The following CLTC variants were observed in gnomAD, a reference collection of about 807,000 sequenced individuals.
CLTC encodes the protein clathrin heavy chain 1.
In CLTC, 16 loss-of-function variants were observed where a neutral mutation model predicts 195.8. That is an observed-to-expected ratio of 0.08 (90% CI 0.06 to 0.12). The LOEUF (loss-of-function observed/expected upper bound fraction) is 0.12. CLTC is among the 10% of genes least tolerant of loss of function. The pLI, the probability that CLTC is intolerant of heterozygous loss-of-function variation, is 1.00. For synonymous variants in CLTC, 667 were observed against 689.4 expected (o/e 0.97, Z 0.51); for missense variants, 796 against 2,027.0 (o/e 0.39, Z 11.66).
intron 1 of CLTC, among the ~76,000 whole-genome samples, chr17:59,633,255 C>T (rs1438548720): frequency 5.3e-5 from 8 of 152,146 alleles, no homozygotes; most frequent in Admixed American, 5.2e-4. Flanking sequence ...CTTTGGGAGG[C>T]CAAGGTGGGT....
intron 2 of CLTC, 112 bp downstream of exon 2, chr17:59,644,595 G>A: frequency 1.1e-6 from 1 of 873,144 alleles, no homozygotes; most frequent in Non-Finnish European, 1.7e-6. Flanking sequence ...TTGTCACCCA[G>A]GCTGGAGTGC....
In CLTC at chr17:59,683,515, A is replaced by G. The variant is rs755570870; in HGVS notation, c.4170A>G (p.Gln1390=). 11 of 1,613,982 alleles carry G rather than the reference A, an allele frequency of 6.8e-6. No individual in the cohort carries two copies. The highest frequency in any genetic ancestry group is 3.3e-5 in the Admixed American group (2 of 60,008). ...NHPTDAWKEG[Q]FKDIITKVAN... is the part of the protein sequence containing the mutation. ...CAACTGATGCCTGGAAAGAAGGGCAATTCAAAGATATCATTACCAAGGTGT... is the reference window on the plus strand; with the variant it reads ...CAACTGATGCCTGGAAAGAAGGGCAGTTCAAAGATATCATTACCAAGGTGT... The change falls in exon 26 of 32, where the codon CAA becomes CAG. Residue 1390 remains glutamine (Q), a synonymous_variant. Coordinates refer to ENST00000269122, the MANE Select transcript of CLTC (RefSeq NM_004859.4). This position sits in a 1 kb window ranked among gnomAD's most constrained non-coding sequence, Gnocchi z 6.1.
intron 31 of CLTC, among the ~76,000 whole-genome samples, chr17:59,693,118 G>T (rs2033345906): frequency 6.6e-6 from 1 of 152,146 alleles, no homozygotes; most frequent in African/African-American, 2.4e-5. Context: ...TATAATCCCA[G>T]CACTTTGGGA....
intron 14 of CLTC, among the ~76,000 whole-genome samples, chr17:59,669,158 GA>G (rs909100720): frequency 1.3e-3 from 187 of 147,316 alleles, no homozygotes; most frequent in Non-Finnish European, 2.1e-3. Context: ...TTTAAAAGAA[GA>G]AAAAAAAAAT....
chr17:59,626,954 G>A (rs2143443286), intron 1 of CLTC, among the ~76,000 whole-genome samples: 1 of 152,262 alleles, frequency 6.6e-6, no homozygotes, highest in East Asian at 1.9e-4. Flanking sequence ...CTGGAGTGCA[G>A]TGGCATGATC....
rs374306386 is a variant in CLTC at position 59,682,455 on chromosome 17, A to G, written c.3600+27A>G. On this transcript the variant is annotated intron_variant, in intron 22 of 31. Transcript: ENST00000269122. This position sits in a 1 kb window ranked among gnomAD's most constrained non-coding sequence, Gnocchi z 6.8. ...TGGGTTTCCTTTTCAGATTTAAGAA[A>G]AACTAGTTGGGCTACTTGATTAGCT... is the stretch of plus-strand genomic sequence containing the variant. 3.7e-6 allele frequency: 6 copies of G among 1,612,920 alleles called. No homozygotes were observed. Among genetic ancestry groups the G allele is most frequent in the South Asian group, 1.1e-5 (1 of 91,046 alleles).
chr17:59,693,627 A>G, intron 31 of CLTC, 101 bp from the exon 32 acceptor site: 1 of 1,341,606 alleles, frequency 7.5e-7, no homozygotes, highest in Non-Finnish European at 1.0e-6. Flanking sequence ...GGTTGAGATT[A>G]TGTTGCTAGA....
At position 59,626,227 on chromosome 17, in the gene CLTC, A is replaced by G. The variant is rs1259813849; in HGVS notation, c.42+6054A>G. ...GCAAAGGCTGTACACTTGTTATTCC[A>G]ACCATTGATGTTGTCTACTTGATTG... On this transcript the variant is annotated intron_variant, in intron 1 of 31. Coordinates refer to ENST00000269122, the MANE Select transcript of CLTC (RefSeq NM_004859.4). Among the ~76,000 whole-genome samples, 3 of 152,332 alleles carry G rather than the reference A, an allele frequency of 2.0e-5. 1 individual carries two copies. The East Asian group carries it at 5.8e-4, about 29-fold the overall frequency.
Position 59,682,504 on chromosome 17 carries a change from TGAA to T in CLTC, c.3600+80_3600+82del, listed in dbSNP as rs1333345846. 2 of 1,584,444 alleles carry T rather than the reference TGAA, an allele frequency of 1.3e-6. No individual in the cohort carries two copies. Among genetic ancestry groups the T allele is most frequent in the Non-Finnish European group, 1.7e-6 (2 of 1,162,420 alleles). The stretch of plus-strand genomic sequence containing the variant: ...CTTGGTAGGATCAAAACATCATAAC[TGAA>T]GAATTCCAAGGAAAAATCTATAGGA... On this transcript the variant is annotated intron_variant, in intron 22 of 31. Coordinates refer to ENST00000269122, the MANE Select transcript of CLTC (RefSeq NM_004859.4). This position sits in a 1 kb window ranked among gnomAD's most constrained non-coding sequence, Gnocchi z 6.8.
intron 1 of CLTC, among the ~76,000 whole-genome samples, chr17:59,622,356 A>G (rs911824599): frequency 3.3e-5 from 5 of 152,128 alleles, no homozygotes; most frequent in East Asian, 1.9e-4. Flanking sequence ...TCCTAACTTC[A>G]TATCATTATC....
chr17:59,668,653 G>A lies in CLTC; in HGVS notation c.2129-124G>A, dbSNP rs367766746. ...ATGGAATAGTTAGTATTTTTATCGC[G>A]CTTTTTAAGCAACCAACTTATATTT... is the stretch of plus-strand genomic sequence containing the variant. On this transcript the variant is annotated intron_variant, in intron 13 of 31. Transcript: ENST00000269122. The A allele has an allele frequency of 8.5e-6, 6 of 706,364 alleles. 1 individual carries two copies. The highest frequency in any genetic ancestry group is 5.9e-5 in the East Asian group (2 of 34,020). The allele number at this position is 706,364 out of a possible 1,614,324, so 43.8% of individuals were successfully genotyped here.
intron 6 of CLTC, among the ~76,000 whole-genome samples, chr17:59,656,495 A>G (rs2032468599): frequency 6.6e-6 from 1 of 152,096 alleles, no homozygotes; most frequent in African/African-American, 2.4e-5. Flanking sequence ...TCCTTAATTA[A>G]GCATTACTAT....
At chr17:59,688,047 T>G (rs1251067300) in intron 30 of CLTC, among the ~76,000 whole-genome samples, 1 of 152,136 alleles carries the variant, frequency 6.6e-6, no homozygotes, top group Non-Finnish European at 1.5e-5. Context: ...GTAAAATGCA[T>G]TGTGTGTGAG....
intron 31 of CLTC, among the ~76,000 whole-genome samples, chr17:59,692,278 C>G (rs951698038): frequency 2.6e-5 from 4 of 152,146 alleles, no homozygotes; most frequent in Non-Finnish European, 4.4e-5. Context: ...AATTGCACCA[C>G]TGCATTCCCT....
chr17:59,656,085 A>G lies in CLTC; in HGVS notation c.969+58A>G, dbSNP rs140447726. On this transcript the variant is annotated intron_variant, in intron 6 of 31. Coordinates refer to ENST00000269122, the MANE Select transcript of CLTC (RefSeq NM_004859.4). ...AAGATAACCTGATGAGTTGGGAACA[A>G]TCCTGTCCTTTTGAGAAATTACTCC... The G allele has an allele frequency of 2.3e-3, 3,313 of 1,417,162 alleles. 13 individuals carry two copies. The highest frequency in any genetic ancestry group is 3.0e-3 in the Non-Finnish European group (3,152 of 1,051,576). The allele number at this position is 1,417,162 out of a possible 1,614,324, so 87.8% of individuals were successfully genotyped here. A position where few individuals can be genotyped will look rare whatever the true frequency, so the allele number is the denominator to read the frequency against.
chr17:59,695,965 A>C lies in CLTC; in HGVS notation c.*2113A>C, dbSNP rs796480481. ...ACCAAGTACAGATGAACTAGAAAAC[A>C]AGCATATATCCACAATTACCAGAAT... On this transcript the variant is annotated 3_prime_UTR_variant, in exon 32 of 32. Transcript: ENST00000269122. 2 of 208,294 alleles carry C rather than the reference A, an allele frequency of 9.6e-6. No homozygotes were observed. Among genetic ancestry groups the C allele is most frequent in the African/African-American group, 4.5e-5 (2 of 44,006 alleles). The allele number at this position is 208,294 out of a possible 1,614,324, so 12.9% of individuals were successfully genotyped here.
chr17:59,654,441 G>T (rs550836412), intron 5 of CLTC, among the ~76,000 whole-genome samples: 1 of 151,774 alleles, frequency 6.6e-6, no homozygotes, highest in Non-Finnish European at 1.5e-5. Flanking sequence ...GCCTCCCAAA[G>T]TGCTGAGATT....
intron 1 of CLTC, among the ~76,000 whole-genome samples, chr17:59,631,268 T>G (rs960197293): frequency 6.6e-6 from 1 of 152,198 alleles, no homozygotes; most frequent in Non-Finnish European, 1.5e-5. Context: ...TACATCCCTG[T>G]AACTTCATGG....
At position 59,696,367 on chromosome 17, in the gene CLTC, T is replaced by G; in HGVS notation, c.*2515T>G. ...ATACTCCACCAATGACCTTAGACCT[T>G]GAGATGGTGCTATAACGCTGCTTAT... On this transcript the variant is annotated 3_prime_UTR_variant, in exon 32 of 32. Coordinates refer to ENST00000269122, the MANE Select transcript of CLTC (RefSeq NM_004859.4). 9.1e-6 allele frequency: 2 copies of G among 219,466 alleles called. No individual in the cohort carries two copies. Among genetic ancestry groups the G allele is most frequent in the Non-Finnish European group, 1.8e-5 (2 of 109,446 alleles). The allele number at this position is 219,466 out of a possible 1,614,324, so 13.6% of individuals were successfully genotyped here.
Sources: allele counts gnomAD v4.1 joint callset (sites outside exome capture counted in the v4.1 genomes callset), GRCh38; gene constraint gnomAD v4.1.1; non-coding constraint Gnocchi (gnomAD v3.1); transcripts MANE v1.5; gene names NCBI Gene and HGNC (gene_info 2026-07-23, HGNC 2026-07-21).